Variants in CEP72 observed in about 807,000 individuals in gnomAD.
CEP72 encodes centrosomal protein of 72 kDa.
In CEP72, 78 loss-of-function variants were observed where a neutral mutation model predicts 65.7. The observed-to-expected ratio is 1.19, with a 90% CI of 0.99 to 1.43. The LOEUF (loss-of-function observed/expected upper bound fraction) is 1.43. Among genes scored for constraint, CEP72 ranks in the 40% most tolerant of loss-of-function variants. The pLI, the probability that CEP72 is intolerant of heterozygous loss-of-function variation, is 0.00. For missense variants in CEP72, 914 were observed against 832.9 expected (o/e 1.10, Z -1.20); for synonymous variants, 358 against 351.7 (o/e 1.02, Z -0.20).
chr5:639,946 G>C (rs1200782895), intron 8 of CEP72, among the ~76,000 whole-genome samples: 1 of 152,214 alleles, frequency 6.6e-6, no homozygotes, highest in African/African-American at 2.4e-5. Context: ...CAGCCCACCT[G>C]GACCCCAGCC....
At chr5:667,916 A>G (rs188004824), downstream of CEP72, among the ~76,000 whole-genome samples, 240 of 41,146 alleles carry the variant, frequency 5.8e-3, 13 homozygotes, top group East Asian at 0.026. Flanking sequence ...TCAGGGAAGT[A>G]CCGACAAGCA....
chr5:624,703 G>A lies in CEP72; in HGVS notation c.512+124G>A, dbSNP rs1369513042. 1.1e-5 allele frequency: 8 copies of A among 726,404 alleles called. No homozygotes were observed. The highest frequency in any genetic ancestry group is 8.3e-5 in the Admixed American group (4 of 48,122). The allele number at this position is 726,404 out of a possible 1,614,324, so 45.0% of individuals were successfully genotyped here. ...AGGGGCGGACACCAGGAGGGAGGAA[G>A]GGCAGAGCCTGCCTGGCGGGGACTC... On this transcript the variant is annotated intron_variant, in intron 4 of 11. Coordinates refer to ENST00000264935, the MANE Select transcript of CEP72 (RefSeq NM_018140.4). This position sits in a 1 kb window ranked among gnomAD's most constrained non-coding sequence, Gnocchi z 4.7.
chr5:639,296 G>A (rs1737842753), intron 8 of CEP72, 72 bp downstream of exon 8: 12 of 1,489,714 alleles, frequency 8.1e-6, no homozygotes, highest in Non-Finnish European at 1.1e-5. Context: ...TCTGCGTGTG[G>A]TGACCTAGGA....
At chr5:644,154 G>A (rs1738256635) in intron 9 of CEP72, 145 bp from the exon 10 acceptor site, 9 of 888,894 alleles carry the variant, frequency 1.0e-5, no homozygotes, top group South Asian at 9.7e-5. Context: ...GAGATGTACC[G>A]TGAAACTGAA....
At chr5:639,799 G>T (rs999658058) in intron 8 of CEP72, among the ~76,000 whole-genome samples, 1 of 152,202 alleles carries the variant, frequency 6.6e-6, no homozygotes, top group African/African-American at 2.4e-5. Flanking sequence ...GCATCCTGGG[G>T]TGTGGCTGTG....
chr5:668,144 C>T (rs1427637280), downstream of CEP72, among the ~76,000 whole-genome samples: 5 of 124,116 alleles, frequency 4.0e-5, no homozygotes, highest in African/African-American at 1.4e-4. Flanking sequence ...CGCGTGGGCC[C>T]CGTCAGGGAA....
chr5:620,401 C>G, intron 3 of CEP72, 140 bp downstream of exon 3: 2 of 713,928 alleles, frequency 2.8e-6, no homozygotes, highest in Non-Finnish European at 4.7e-6. Flanking sequence ...ACGCTGGTGG[C>G]TTGAGTTCCT....
intron 4 of CEP72, among the ~76,000 whole-genome samples, chr5:626,712 A>C (rs1736781194): frequency 6.6e-6 from 1 of 152,050 alleles, no homozygotes; most frequent in Non-Finnish European, 1.5e-5. Context: ...CTGTAGTCCC[A>C]GCTACTCGGG....
chr5:665,088 G>T, intron 2 of CEP72: 1 of 1,605,382 alleles, frequency 6.2e-7, no homozygotes, highest in Non-Finnish European at 8.5e-7. Context: ...GTGCCGCGAG[G>T]CATGGAGCGG....
Position 619,990 on chromosome 5 carries a change from C to A in CEP72, c.211-79C>A. ...AAATAAGTTTATACAGTTGGTTGGT[C>A]AGTGTGTGTTGCTGGCTTATTTCAC... On this transcript the variant is annotated intron_variant, in intron 2 of 11. Coordinates refer to ENST00000264935, the MANE Select transcript of CEP72 (RefSeq NM_018140.4). 5 of 1,154,320 alleles carry A rather than the reference C, an allele frequency of 4.3e-6. No homozygotes were observed. The South Asian group carries it at 5.6e-5, about 13-fold the overall frequency. The allele number at this position is 1,154,320 out of a possible 1,614,324, so 71.5% of individuals were successfully genotyped here. A position where few individuals can be genotyped will look rare whatever the true frequency, so the allele number is the denominator to read the frequency against.
At chr5:617,316 G>A (rs2126729617) in intron 1 of CEP72, among the ~76,000 whole-genome samples, 1 of 152,262 alleles carries the variant, frequency 6.6e-6, no homozygotes, top group Admixed American at 6.5e-5. Flanking sequence ...GGAGGAGCAG[G>A]TTGAAATGTG....
chr5:667,846 GCGTGGGCGCCGT>G (rs1739989120), downstream of CEP72, among the ~76,000 whole-genome samples: 1 of 146,508 alleles, frequency 6.8e-6, no homozygotes, highest in Non-Finnish European at 1.5e-5. Flanking sequence ...AGAGGGGTCC[GCGTGGGCGCCGT>G]CAGGGAAGTA....
chr5:649,004 G>A (rs1738681739), intron 11 of CEP72, among the ~76,000 whole-genome samples: 1 of 149,422 alleles, frequency 6.7e-6, no homozygotes, highest in Non-Finnish European at 1.5e-5. Context: ...ACCATGGGGT[G>A]TGGGCTGTGA....
chr5:642,890 A>G, intron 9 of CEP72: 1 of 985,476 alleles, frequency 1.0e-6, no homozygotes, highest in East Asian at 1.1e-4. Context: ...CCTCGGTCAC[A>G]TGAACCTAGA....
At chr5:636,538 C>G (rs991267426) in intron 6 of CEP72, among the ~76,000 whole-genome samples, 1 of 152,214 alleles carries the variant, frequency 6.6e-6, no homozygotes, top group Admixed American at 6.5e-5. Context: ...AGGCCAGACA[C>G]GGTGGCTCAC....
intron 4 of CEP72, among the ~76,000 whole-genome samples, chr5:632,149 G>A (rs1320408825): frequency 1.5e-5 from 1 of 66,732 alleles, no homozygotes; most frequent in East Asian, 5.2e-4. Context: ...GCCGGGATTT[G>A]GCCCAGTCCT....
intron 1 of CEP72, among the ~76,000 whole-genome samples, chr5:612,772 G>A (rs886756183): frequency 1.3e-5 from 2 of 152,370 alleles, no homozygotes; most frequent in African/African-American, 4.8e-5. Context: ...TCCCGCTGGG[G>A]ATCACCTCCC....
intron 10 of CEP72, among the ~76,000 whole-genome samples, 192 bp downstream of exon 10, chr5:644,617 T>C (rs1442143139): frequency 6.6e-6 from 1 of 152,144 alleles, no homozygotes; most frequent in Non-Finnish European, 1.5e-5. Context: ...CACACGTGTG[T>C]CTGGGGCAGT....
chr5:669,434 G>A (rs117288090), downstream of CEP72, among the ~76,000 whole-genome samples: 40 of 152,288 alleles, frequency 2.6e-4, 1 homozygote, highest in East Asian at 7.7e-3. Flanking sequence ...ACAGTGCCTG[G>A]AACTGACAGT....
Sources: gnomAD v4.1 joint callset for allele counts (sites outside exome capture counted in the v4.1 genomes callset) on GRCh38, gnomAD v4.1.1 for gene constraint, Gnocchi (gnomAD v3.1) non-coding constraint, MANE v1.5 for transcripts, NCBI Gene and HGNC (gene_info 2026-07-23, HGNC 2026-07-21) for gene names.